NEGR1: variants seen among roughly 807,000 people sequenced by gnomAD.
NEGR1 encodes the protein neuronal growth regulator 1.
In NEGR1, 10 loss-of-function variants were observed where a neutral mutation model predicts 40.9. The observed-to-expected ratio is 0.24, with a 90% confidence interval of 0.15 to 0.42. NEGR1 has a LOEUF of 0.42. NEGR1 is among the 10% of genes least tolerant of loss of function. NEGR1 has a pLI of 1.00. For missense variants in NEGR1, 352 were observed against 438.9 expected (o/e 0.80, Z 1.77); for synonymous variants, 185 against 166.8 (o/e 1.11, Z -0.84).
chr1:71,554,662 C>T (rs1648196158), intron 6 of NEGR1, among the ~76,000 whole-genome samples: 1 of 151,552 alleles, frequency 6.6e-6, no homozygotes, highest in Admixed American at 6.6e-5. Flanking sequence ...AGAACCTACT[C>T]TCCTCTTTTT....
Position 71,859,577 on chromosome 1 carries a change from T to C in NEGR1, c.409+75502A>G, listed in dbSNP as rs1570439832. 3.3e-5 allele frequency among the ~76,000 whole-genome samples: 5 copies of C among 152,072 alleles called. No individual in the cohort carries two copies. In the South Asian group the frequency reaches 1.0e-3, roughly 31 times the overall value. Reference sequence around the variant, plus strand: ...CAGCCATAGACAATAAATAGGTAAATGAAAGAACATGACTGCGTTCCGATA... The same window carrying C: ...CAGCCATAGACAATAAATAGGTAAACGAAAGAACATGACTGCGTTCCGATA... On this transcript the variant is annotated intron_variant, in intron 2 of 6. Coordinates refer to ENST00000357731, the MANE Select transcript of NEGR1 (RefSeq NM_173808.3).
At chr1:71,663,042 C>T (rs766748740) in intron 4 of NEGR1, among the ~76,000 whole-genome samples, 39 of 151,978 alleles carry the variant, frequency 2.6e-4, no homozygotes, top group Non-Finnish European at 4.1e-4. Context: ...CTGCAAGCTC[C>T]GTCTCCCGGG....
At chr1:71,803,156 T>C (rs939125665) in intron 2 of NEGR1, among the ~76,000 whole-genome samples, 3 of 152,144 alleles carry the variant, frequency 2.0e-5, no homozygotes, top group African/African-American at 7.2e-5. Flanking sequence ...TGAGGTCATC[T>C]TGGTTGGCCC....
chr1:72,121,690 A>T (rs1449966559), intron 1 of NEGR1, among the ~76,000 whole-genome samples: 1 of 152,028 alleles, frequency 6.6e-6, no homozygotes, highest in Non-Finnish European at 1.5e-5. Flanking sequence ...CTATCAATTG[A>T]TCTGTAAGAA....
chr1:71,478,505 T>C (rs1248918955), intron 6 of NEGR1, among the ~76,000 whole-genome samples: 1 of 152,046 alleles, frequency 6.6e-6, no homozygotes. Context: ...AGTGGCCGTC[T>C]CTTTCTCCAT....
intron 3 of NEGR1, among the ~76,000 whole-genome samples, chr1:71,730,874 A>C (rs1005443774): frequency 7.3e-6 from 1 of 136,486 alleles, no homozygotes; most frequent in Non-Finnish European, 1.5e-5. Flanking sequence ...GTAGTGAAGC[A>C]TTCGTGTGTG....
At chr1:72,009,562 G>A (rs1646638999) in intron 1 of NEGR1, among the ~76,000 whole-genome samples, 1 of 151,872 alleles carries the variant, frequency 6.6e-6, no homozygotes, top group Non-Finnish European at 1.5e-5. Flanking sequence ...AGTCTTCAAA[G>A]ACCCTACCTA....
intron 3 of NEGR1, among the ~76,000 whole-genome samples, chr1:71,750,520 AG>A (rs1310425599): frequency 6.6e-6 from 1 of 152,158 alleles, no homozygotes; most frequent in Non-Finnish European, 1.5e-5. Flanking sequence ...CAATCATGGC[AG>A]AAGGGAAGGA....
intron 3 of NEGR1, among the ~76,000 whole-genome samples, chr1:71,758,797 A>G (rs1358549510): frequency 6.6e-6 from 1 of 152,058 alleles, no homozygotes; most frequent in African/African-American, 2.4e-5. Context: ...TTATTAAGCT[A>G]TTTTCTCTTT....
At chr1:71,478,661 A>G (rs933482654) in intron 6 of NEGR1, among the ~76,000 whole-genome samples, 18 of 152,030 alleles carry the variant, frequency 1.2e-4, no homozygotes, top group Admixed American at 9.2e-4. Context: ...AATTTAGGTC[A>G]CAGAATGAAA....
intron 1 of NEGR1, among the ~76,000 whole-genome samples, chr1:72,111,800 A>C (rs1649381504): frequency 1.3e-5 from 2 of 151,826 alleles, no homozygotes; most frequent in Admixed American, 1.3e-4. Flanking sequence ...GGGTGTCATG[A>C]AAAGAGGAAA....
chr1:71,468,939 G>C (rs770471289), intron 6 of NEGR1: 14 of 151,992 alleles, frequency 9.2e-5, no homozygotes, highest in Admixed American at 2.6e-4. Context: ...TAAGTACTAA[G>C]TAAAACTCTC....
chr1:72,100,340 T>C (rs1648886603), intron 1 of NEGR1, among the ~76,000 whole-genome samples: 1 of 152,222 alleles, frequency 6.6e-6, no homozygotes. Flanking sequence ...ATTGATTTTC[T>C]CTGATTTCAG....
At chr1:71,633,026 G>T (rs1346886354) in intron 4 of NEGR1, among the ~76,000 whole-genome samples, 2 of 152,042 alleles carry the variant, frequency 1.3e-5, no homozygotes, top group Non-Finnish European at 2.9e-5. Context: ...AGATATAACT[G>T]CATATGTCTT....
Position 71,397,106 on chromosome 1 carries a change from G to T in NEGR1, c.*10340C>A, listed in dbSNP as rs868634689. ...TATGGACAATAAAATCCAGGCTGAG[G>T]TGGTCTCAGATGGAAATGAATAACT... On this transcript the variant is annotated 3_prime_UTR_variant, in exon 7 of 7. Coordinates refer to ENST00000357731, the MANE Select transcript of NEGR1 (RefSeq NM_173808.3). 3 of 159,014 alleles carry T rather than the reference G, an allele frequency of 1.9e-5. No homozygotes were observed. Among genetic ancestry groups the T allele is most frequent in the Non-Finnish European group, 4.1e-5 (3 of 73,546 alleles). The allele number at this position is 159,014 out of a possible 1,614,324, so 9.9% of individuals were successfully genotyped here. A position where few individuals can be genotyped will look rare whatever the true frequency, so the allele number is the denominator to read the frequency against.
intron 1 of NEGR1, among the ~76,000 whole-genome samples, chr1:72,219,204 G>T (rs1389034797): frequency 6.6e-6 from 1 of 151,970 alleles, no homozygotes; most frequent in African/African-American, 2.4e-5. Flanking sequence ...AACAAGCATT[G>T]CTGGCTATAA....
chr1:72,127,463 C>CAAAAAAAAAAAAAA (rs56301492), intron 1 of NEGR1, among the ~76,000 whole-genome samples: 3 of 39,292 alleles, frequency 7.6e-5, no homozygotes, highest in Middle Eastern at 0.042. Flanking sequence ...GGCTCTGTCT[C>CAAAAAAAAAAAAAA]AAAAAAAAAA....
At chr1:71,779,874 A>G (rs953827054) in intron 2 of NEGR1, among the ~76,000 whole-genome samples, 2 of 151,932 alleles carry the variant, frequency 1.3e-5, no homozygotes, top group African/African-American at 4.8e-5. Flanking sequence ...AGGCCAGGAA[A>G]ACTATTAATA....
intron 1 of NEGR1, among the ~76,000 whole-genome samples, chr1:72,145,825 A>C (rs1557549455): frequency 6.6e-6 from 1 of 152,128 alleles, no homozygotes; most frequent in Non-Finnish European, 1.5e-5. Context: ...TGATTTTCTT[A>C]AAATATTTTT....
Sources: gnomAD v4.1 joint callset for allele counts (sites outside exome capture counted in the v4.1 genomes callset) on GRCh38, gnomAD v4.1.1 for gene constraint, MANE v1.5 for transcripts, NCBI Gene and HGNC (gene_info 2026-07-23, HGNC 2026-07-21) for gene names.